The following INPP4B variants were observed in gnomAD, a reference collection of about 807,000 sequenced individuals.
INPP4B encodes the protein inositol polyphosphate-4-phosphatase type II B, also known as inositol polyphosphate 4-phosphatase type II.
A neutral mutation model predicts 122.5 loss-of-function variants in INPP4B; 55 were observed. That is an observed-to-expected ratio of 0.45 (90% CI 0.36 to 0.56). INPP4B has a LOEUF of 0.56. INPP4B is among the 20% of genes least tolerant of loss of function. INPP4B has a pLI of 0.00. For missense variants in INPP4B, 1,000 were observed against 1,097.7 expected (o/e 0.91, Z 1.26); for synonymous variants, 403 against 388.7 (o/e 1.04, Z -0.43).
intron 11 of INPP4B, among the ~76,000 whole-genome samples, chr4:142,249,164 C>T (rs1332071109): frequency 6.6e-6 from 1 of 151,912 alleles, no homozygotes; most frequent in Non-Finnish European, 1.5e-5. Context: ...TGTTTGGATT[C>T]CAACTCACAC....
intron 19 of INPP4B, among the ~76,000 whole-genome samples, chr4:142,123,939 T>C (rs1320947016): frequency 6.6e-6 from 1 of 152,016 alleles, no homozygotes; most frequent in East Asian, 1.9e-4. Flanking sequence ...GAAAGAGAAG[T>C]CTTCTTTTTC....
chr4:142,725,861 G>T lies in INPP4B; in HGVS notation c.-213C>A, dbSNP rs1765283788. 1 of 397,822 alleles carries T rather than the reference G, an allele frequency of 2.5e-6. No individual in the cohort carries two copies. The highest frequency in any genetic ancestry group is 1.3e-4 in the South Asian group (1 of 7,856). The allele number at this position is 397,822 out of a possible 1,614,324, so 24.6% of individuals were successfully genotyped here. A position where few individuals can be genotyped will look rare whatever the true frequency, so the allele number is the denominator to read the frequency against. On this transcript the variant is annotated 5_prime_UTR_variant, in exon 2 of 26. Transcript: ENST00000262992. ...TACCTTTGTCTAATTTTTCATAAAAGACAGAAGACCTCTTGCCAGGTAACA... is the reference window on the plus strand; with the variant it reads ...TACCTTTGTCTAATTTTTCATAAAATACAGAAGACCTCTTGCCAGGTAACA...
rs1226041777 is a variant in INPP4B at position 142,027,399 on chromosome 4, C to T, written c.*1383G>A. ...GGGCTTAAGAAGCCTCTGTTATTTTCAAGGGAGATTTATGCTTTGGATAGC... is the reference window on the plus strand; with the variant it reads ...GGGCTTAAGAAGCCTCTGTTATTTTTAAGGGAGATTTATGCTTTGGATAGC... On this transcript the variant is annotated 3_prime_UTR_variant, in exon 26 of 26. Coordinates refer to ENST00000262992, the MANE Select transcript of INPP4B (RefSeq NM_001101669.3). The T allele has an allele frequency of 6.6e-6, 1 of 152,138 alleles. No homozygotes were observed. Among genetic ancestry groups the T allele is most frequent in the African/African-American group, 2.4e-5 (1 of 41,440 alleles). The allele number at this position is 152,138 out of a possible 1,614,324, so 9.4% of individuals were successfully genotyped here. A position where few individuals can be genotyped will look rare whatever the true frequency, so the allele number is the denominator to read the frequency against.
At chr4:142,345,381 C>T (rs901392387) in intron 7 of INPP4B, among the ~76,000 whole-genome samples, 3 of 151,728 alleles carry the variant, frequency 2.0e-5, no homozygotes, top group African/African-American at 4.8e-5. Flanking sequence ...ATTAAGACCA[C>T]GGGGAAAATA....
intron 1 of INPP4B, among the ~76,000 whole-genome samples, chr4:142,748,404 A>C (rs1033623978): frequency 5.9e-5 from 9 of 152,044 alleles, no homozygotes; most frequent in Non-Finnish European, 1.2e-4. Context: ...AAGCCAAAGA[A>C]TTAAATAGAC....
At chr4:142,158,712 G>A (rs1818504210) in intron 17 of INPP4B, among the ~76,000 whole-genome samples, 1 of 151,740 alleles carries the variant, frequency 6.6e-6, no homozygotes, top group African/African-American at 2.4e-5. Flanking sequence ...CTTCCCACTT[G>A]AAATACTTAA....
At chr4:142,556,836 G>T (rs115256590) in intron 2 of INPP4B, among the ~76,000 whole-genome samples, 1 of 152,122 alleles carries the variant, frequency 6.6e-6, no homozygotes, top group Non-Finnish European at 1.5e-5. Flanking sequence ...GGAAAGTATC[G>T]ATTGCAGTTT....
At chr4:142,608,445 A>G (rs1741772675) in intron 2 of INPP4B, among the ~76,000 whole-genome samples, 1 of 152,120 alleles carries the variant, frequency 6.6e-6, no homozygotes, top group South Asian at 2.1e-4. Context: ...AGGATTTATG[A>G]GTTTTCTATA....
intron 1 of INPP4B, among the ~76,000 whole-genome samples, chr4:142,800,507 G>C (rs1364633646): frequency 6.6e-6 from 1 of 152,066 alleles, no homozygotes; most frequent in Non-Finnish European, 1.5e-5. Flanking sequence ...ATGGAAATTG[G>C]ATCACCAGAA....
At chr4:142,155,708 C>T (rs1816816036) in intron 17 of INPP4B, among the ~76,000 whole-genome samples, 1 of 151,930 alleles carries the variant, frequency 6.6e-6, no homozygotes, top group African/African-American at 2.4e-5. Flanking sequence ...CTGCTGTAGG[C>T]ATCATTAGAG....
At chr4:142,050,515 CAT>C (rs971494740) in intron 25 of INPP4B, among the ~76,000 whole-genome samples, 2 of 151,992 alleles carry the variant, frequency 1.3e-5, no homozygotes, top group African/African-American at 2.4e-5. Context: ...GTACACAGCA[CAT>C]AGTGATTCTA....
chr4:142,488,154 G>A (rs1560714175), intron 2 of INPP4B, among the ~76,000 whole-genome samples: 1 of 151,976 alleles, frequency 6.6e-6, no homozygotes, highest in Non-Finnish European at 1.5e-5. Context: ...CTTCATTGAG[G>A]TGATCATAGA....
At chr4:142,416,780 C>T (rs1579999263) in intron 5 of INPP4B, among the ~76,000 whole-genome samples, 1 of 152,250 alleles carries the variant, frequency 6.6e-6, no homozygotes, top group East Asian at 1.9e-4. Context: ...AAGACAATCT[C>T]AATATTCATT....
intron 22 of INPP4B, among the ~76,000 whole-genome samples, chr4:142,109,399 A>G (rs1047666971): frequency 2.6e-5 from 4 of 152,084 alleles, no homozygotes; most frequent in Non-Finnish European, 5.9e-5. Context: ...AATCTAACCT[A>G]TATTTCATCA....
chr4:142,350,898 C>T (rs1435080477), intron 7 of INPP4B, among the ~76,000 whole-genome samples: 1 of 152,016 alleles, frequency 6.6e-6, no homozygotes, highest in African/African-American at 2.4e-5. Context: ...TTTATCCTGA[C>T]TCTGATGGCT....
At chr4:142,806,222 T>C (rs1778680723) in intron 1 of INPP4B, among the ~76,000 whole-genome samples, 1 of 128,958 alleles carries the variant, frequency 7.8e-6, no homozygotes, top group Non-Finnish European at 1.5e-5. Flanking sequence ...GAGCTTGCAG[T>C]GAGCCGAGAT....
chr4:142,601,078 G>A (rs1739789681), intron 2 of INPP4B, among the ~76,000 whole-genome samples: 1 of 151,966 alleles, frequency 6.6e-6, no homozygotes, highest in African/African-American at 2.4e-5. Flanking sequence ...GAGAGAGAGA[G>A]ACTTTTATAC....
At chr4:142,163,860 C>T (rs1348535487) in intron 16 of INPP4B, among the ~76,000 whole-genome samples, 1 of 151,624 alleles carries the variant, frequency 6.6e-6, no homozygotes, top group Admixed American at 6.6e-5. Flanking sequence ...ACTGACTGTT[C>T]TAAAAAACCT....
intron 25 of INPP4B, among the ~76,000 whole-genome samples, chr4:142,050,958 T>C (rs977707265): frequency 6.6e-6 from 1 of 152,040 alleles, no homozygotes; most frequent in Non-Finnish European, 1.5e-5. Context: ...AAAGAGATTA[T>C]CTGCAGAATA....
Sources: allele counts gnomAD v4.1 joint callset (sites outside exome capture counted in the v4.1 genomes callset), GRCh38; gene constraint gnomAD v4.1.1; transcripts MANE v1.5; gene names NCBI Gene and HGNC (gene_info 2026-07-23, HGNC 2026-07-21).